ANAPC10: variants seen among roughly 807,000 people sequenced by gnomAD.
ANAPC10 encodes the protein anaphase-promoting complex subunit 10.
In ANAPC10, 12 loss-of-function variants were observed where a neutral mutation model predicts 22.0. The observed-to-expected ratio is 0.55, with a 90% CI of 0.35 to 0.88. The LOEUF (loss-of-function observed/expected upper bound fraction) is 0.88, where lower values mean the gene tolerates loss of function less well. ANAPC10 is among the 40% of genes least tolerant of loss of function. The pLI, the probability that ANAPC10 is intolerant of heterozygous loss-of-function variation, is 0.01. For missense variants in ANAPC10, 188 were observed against 220.9 expected (o/e 0.85, Z 0.94); for synonymous variants, 65 against 69.5 (o/e 0.94, Z 0.32).
chr4:145,097,403 G>T lies in ANAPC10; in HGVS notation c.-13+717C>A, dbSNP rs1458455688. The T allele has an allele frequency of 1.3e-5, 13 of 1,026,532 alleles. No individual in the cohort carries two copies. In the Admixed American group the frequency reaches 2.8e-4, roughly 22 times the overall value. 63.6% of individuals were successfully genotyped at this position (1,026,532 alleles called of 1,614,324 possible). A position where few individuals can be genotyped will look rare whatever the true frequency, so the allele number is the denominator to read the frequency against. ...AAAAAACACTTCAATACTGGATCGT[G>T]AACAATATGTAAAACTGCTTTGGTA... On this transcript the variant is annotated intron_variant, in intron 1 of 4. Coordinates refer to ENST00000507656, the MANE Select transcript of ANAPC10 (RefSeq NM_001256706.2).
At chr4:145,062,822 T>C (rs1030608803) in intron 4 of ANAPC10, among the ~76,000 whole-genome samples, 5 of 152,150 alleles carry the variant, frequency 3.3e-5, no homozygotes, top group African/African-American at 1.2e-4. Flanking sequence ...CCCAATGGAA[T>C]ATTATACAGC....
intron 4 of ANAPC10, among the ~76,000 whole-genome samples, chr4:145,045,266 C>A (rs915696777): frequency 6.6e-6 from 1 of 152,034 alleles, no homozygotes; most frequent in African/African-American, 2.4e-5. Flanking sequence ...CTACTTAATT[C>A]TTTCTGGAAT....
At chr4:145,026,686 T>C (rs1435581137) in intron 4 of ANAPC10, among the ~76,000 whole-genome samples, 4 of 148,462 alleles carry the variant, frequency 2.7e-5, no homozygotes, top group Non-Finnish European at 6.0e-5. Flanking sequence ...CAAGACAAAA[T>C]AAGACAGAAA....
intron 4 of ANAPC10, among the ~76,000 whole-genome samples, chr4:145,004,604 T>C (rs564412169): frequency 2.0e-4 from 30 of 152,314 alleles, no homozygotes; most frequent in African/African-American, 7.0e-4. Context: ...AATGATCACA[T>C]GCTTTTTGTT....
intron 4 of ANAPC10, among the ~76,000 whole-genome samples, chr4:145,005,575 T>C (rs1455778624): frequency 6.6e-6 from 1 of 152,120 alleles, no homozygotes; most frequent in East Asian, 1.9e-4. Context: ...GAGATCTTTC[T>C]AACTTTTTGA....
intron 4 of ANAPC10, among the ~76,000 whole-genome samples, chr4:145,060,801 A>G (rs1042321631): frequency 7.9e-5 from 12 of 152,032 alleles, no homozygotes; most frequent in Non-Finnish European, 2.9e-5. Flanking sequence ...TTTTTTTTAT[A>G]TATTTAGATA....
chr4:145,050,522 G>T lies in ANAPC10; in HGVS notation c.327+14050C>A, dbSNP rs566247573. Reference sequence around the variant, plus strand: ...CTGTCCTGTGAAGCTTTCAAGCCAGGCATTGACTTCTCCTCTCTAATCTTA... The same window carrying T: ...CTGTCCTGTGAAGCTTTCAAGCCAGTCATTGACTTCTCCTCTCTAATCTTA... On this transcript the variant is annotated intron_variant, in intron 4 of 4. Transcript: ENST00000507656. 7.2e-5 allele frequency among the ~76,000 whole-genome samples: 11 copies of T among 152,314 alleles called. No individual in the cohort carries two copies. In the East Asian group the frequency reaches 1.7e-3, roughly 24 times the overall value.
rs575832353 is a variant in ANAPC10, at chr4:145,038,427, T to C, written c.327+26145A>G. Reference sequence around the variant, plus strand: ...ACTGGGGAGACTGAGGCAGGAGAACTGCTTGAACCCAGGAGGCAGAAGTTG... The same window carrying C: ...ACTGGGGAGACTGAGGCAGGAGAACCGCTTGAACCCAGGAGGCAGAAGTTG... On this transcript the variant is annotated intron_variant, in intron 4 of 4. Transcript: ENST00000507656. Among the ~76,000 whole-genome samples, 10 of 152,048 alleles carry C rather than the reference T, an allele frequency of 6.6e-5. No homozygotes were observed. The South Asian group carries it at 2.1e-3, about 32-fold the overall frequency.
chr4:145,063,975 A>G (rs1250902429), intron 4 of ANAPC10: 1 of 152,058 alleles, frequency 6.6e-6, no homozygotes, highest in Non-Finnish European at 1.5e-5. Context: ...TTCTGAGGGT[A>G]GGATAGAGAT....
At chr4:145,028,861 A>G (rs1159442981) in intron 4 of ANAPC10, among the ~76,000 whole-genome samples, 1 of 152,200 alleles carries the variant, frequency 6.6e-6, no homozygotes, top group Non-Finnish European at 1.5e-5. Context: ...GTGATGAAAG[A>G]AAATGATGAA....
At chr4:145,046,170 A>G (rs962574078) in intron 4 of ANAPC10, among the ~76,000 whole-genome samples, 1 of 152,090 alleles carries the variant, frequency 6.6e-6, no homozygotes, top group Non-Finnish European at 1.5e-5. Context: ...AAGTCTGCAA[A>G]AATATTTGTG....
intron 4 of ANAPC10, among the ~76,000 whole-genome samples, chr4:145,043,242 G>A (rs1445371593): frequency 6.6e-6 from 1 of 151,986 alleles, no homozygotes; most frequent in Non-Finnish European, 1.5e-5. Flanking sequence ...TAAAAAATAA[G>A]ATGAAGTTTT....
intron 4 of ANAPC10, among the ~76,000 whole-genome samples, chr4:145,011,156 A>G (rs765669229): frequency 4.0e-5 from 6 of 151,814 alleles, no homozygotes; most frequent in Non-Finnish European, 8.8e-5. Context: ...AAACGGTGGA[A>G]CCCCATCTCT....
intron 4 of ANAPC10, 136 bp from the exon 5 acceptor site, chr4:144,995,739 A>G: frequency 1.5e-6 from 1 of 651,340 alleles, no homozygotes; most frequent in Admixed American, 3.1e-5. Context: ...AATAATCACT[A>G]CCAGTTATTG....
At chr4:145,086,687 T>C (rs1261629449) in intron 2 of ANAPC10, among the ~76,000 whole-genome samples, 1 of 152,020 alleles carries the variant, frequency 6.6e-6, no homozygotes, top group Non-Finnish European at 1.5e-5. Context: ...GGATGTCCAG[T>C]GCATTGAAAG....
intron 4 of ANAPC10, among the ~76,000 whole-genome samples, chr4:145,043,756 C>T (rs550362251): frequency 4.5e-4 from 69 of 152,144 alleles, no homozygotes; most frequent in Middle Eastern, 3.4e-3. Context: ...TACAGTATTA[C>T]AAATGAAGGC....
chr4:145,053,654 T>C (rs1201944462), intron 4 of ANAPC10: 1 of 478,438 alleles, frequency 2.1e-6, no homozygotes, highest in African/African-American at 2.0e-5. Context: ...AATTCCTTTA[T>C]GAAGGAGAAA....
rs1399101365 is a variant in ANAPC10 at position 144,995,562 on chromosome 4, G to C, written c.369C>G (p.Pro123=). ...LVEPSGWIHV[P]LTDNHKKPTR... Reference sequence around the variant, plus strand: ...TTGGCTTCTTATGATTGTCAGTTAAGGGAACATGAATCCAGCCACTTGGTT... The same window carrying C: ...TTGGCTTCTTATGATTGTCAGTTAACGGAACATGAATCCAGCCACTTGGTT... The change falls in exon 5 of 5, where the codon CCC becomes CCG. Residue 123 remains proline (P), a synonymous_variant. Transcript: ENST00000507656. 18 of 1,613,302 alleles carry C rather than the reference G, an allele frequency of 1.1e-5. No individual in the cohort carries two copies. Among genetic ancestry groups the C allele is most frequent in the Non-Finnish European group, 1.4e-5 (17 of 1,179,786 alleles).
At chr4:145,018,732 TTAAAG>T (rs1735579850) in intron 4 of ANAPC10, among the ~76,000 whole-genome samples, 2 of 151,924 alleles carry the variant, frequency 1.3e-5, no homozygotes, top group South Asian at 2.1e-4. Context: ...TCATATAAAC[TTAAAG>T]TAAAGGAGTG....
Sources: gnomAD v4.1 joint callset for allele counts (sites outside exome capture counted in the v4.1 genomes callset) on GRCh38, gnomAD v4.1.1 for gene constraint, MANE v1.5 for transcripts, NCBI Gene and HGNC (gene_info 2026-07-23, HGNC 2026-07-21) for gene names.